Variants in RBM18 observed in about 807,000 individuals in gnomAD.
RBM18 encodes the protein probable RNA-binding protein 18.
A neutral mutation model predicts 26.4 loss-of-function variants in RBM18; 18 were observed. That is an observed-to-expected ratio of 0.68 (90% CI 0.47 to 1.01). The LOEUF (loss-of-function observed/expected upper bound fraction) is 1.01. RBM18 is among the 50% of genes least tolerant of loss of function. The pLI, the probability that RBM18 is intolerant of heterozygous loss-of-function variation, is 0.00. For missense variants in RBM18, 180 were observed against 219.2 expected, an observed-to-expected ratio of 0.82 and a Z score of 1.13; for synonymous variants, 74 against 81.1, an observed-to-expected ratio of 0.91 and a Z score of 0.47.
chr9:122,245,099 GA>G (rs1831483432), intron 5 of RBM18, among the ~76,000 whole-genome samples, 156 bp downstream of exon 5: 1 of 152,172 alleles, frequency 6.6e-6, no homozygotes, highest in Non-Finnish European at 1.5e-5. Context: ...GGAAGGAGAG[GA>G]AATGTATACA....
At chr9:122,247,629 A>G in intron 3 of RBM18, 25 bp from the exon 4 acceptor site, 1 of 1,586,544 alleles carries the variant, frequency 6.3e-7, no homozygotes, top group Non-Finnish European at 8.7e-7. Context: ...GACAAATGTT[A>G]GTTAAAAACT....
At chr9:122,254,791 C>G (rs564318722) in intron 2 of RBM18, among the ~76,000 whole-genome samples, 1 of 152,256 alleles carries the variant, frequency 6.6e-6, no homozygotes, top group South Asian at 2.1e-4. Flanking sequence ...CTAGTTAAGA[C>G]AGAGAGAGAT....
At chr9:122,257,608 C>T (rs1831719254) in intron 2 of RBM18, among the ~76,000 whole-genome samples, 1 of 152,098 alleles carries the variant, frequency 6.6e-6, no homozygotes, top group African/African-American at 2.4e-5. Context: ...GGCACACACA[C>T]ATAGAATGAC....
At chr9:122,261,620 C>A in intron 1 of RBM18, 112 bp from the exon 2 acceptor site, 2 of 686,204 alleles carry the variant, frequency 2.9e-6, no homozygotes, top group Non-Finnish European at 5.0e-6. Flanking sequence ...TCTGGGCAGT[C>A]CTTCAAAGGC....
At chr9:122,249,099 G>A (rs1660732227) in intron 3 of RBM18, among the ~76,000 whole-genome samples, 1 of 114,892 alleles carries the variant, frequency 8.7e-6, no homozygotes, top group African/African-American at 3.2e-5. Flanking sequence ...TGCCAGCAGG[G>A]GCATCTTATT....
At chr9:122,254,069 C>A (rs10121876) in intron 2 of RBM18, among the ~76,000 whole-genome samples, 73,483 of 150,314 alleles carry the variant, frequency 0.49, 18,728 homozygotes, top group East Asian at 0.82. Flanking sequence ...CACACACACA[C>A]AAAAAAAACA....
chr9:122,257,797 C>G (rs16911573), intron 2 of RBM18, among the ~76,000 whole-genome samples: 6,618 of 152,122 alleles, frequency 0.044, 486 homozygotes, highest in African/African-American at 0.15. Context: ...ATCAGGTGGA[C>G]AGTAGGGACA....
At chr9:122,242,166 T>C in intron 5 of RBM18, 123 bp from the exon 6 acceptor site, 1 of 886,442 alleles carries the variant, frequency 1.1e-6, no homozygotes, top group Non-Finnish European at 1.7e-6. Context: ...ATTACAGACA[T>C]TTAAACATTT....
chr9:122,242,166 T>G (rs970359288), intron 5 of RBM18, 123 bp from the exon 6 acceptor site: 2 of 886,324 alleles, frequency 2.3e-6, no homozygotes, highest in African/African-American at 3.4e-5. Context: ...ATTACAGACA[T>G]TTAAACATTT....
intron 2 of RBM18, 147 bp downstream of exon 2, chr9:122,261,233 C>G: frequency 1.6e-6 from 1 of 624,238 alleles, no homozygotes; most frequent in Admixed American, 2.9e-5. Context: ...GACAAGATAA[C>G]AGGCTAACAA....
chr9:122,255,984 T>A (rs1198630372), intron 2 of RBM18, among the ~76,000 whole-genome samples: 1 of 151,814 alleles, frequency 6.6e-6, no homozygotes, highest in Non-Finnish European at 1.5e-5. Context: ...TGAGCTGAGA[T>A]TGAGCCACTG....
intron 1 of RBM18, among the ~76,000 whole-genome samples, chr9:122,263,878 A>G (rs999138392): frequency 2.0e-5 from 3 of 152,220 alleles, no homozygotes; most frequent in African/African-American, 7.2e-5. Flanking sequence ...GCACCTAGTA[A>G]CTGCACCTTT....
chr9:122,252,475 A>G (rs554019558), intron 2 of RBM18, among the ~76,000 whole-genome samples: 1 of 152,354 alleles, frequency 6.6e-6, no homozygotes, highest in Admixed American at 6.5e-5. Flanking sequence ...AGATCTTCCT[A>G]TTAGATTTTG....
chr9:122,243,975 G>T, intron 5 of RBM18: 1 of 488,086 alleles, frequency 2.0e-6, no homozygotes, highest in Non-Finnish European at 2.7e-6. Flanking sequence ...AGACCACCAA[G>T]CATAAATGCA....
In RBM18 at chr9:122,238,534, C is replaced by T. The variant is rs1270360659; in HGVS notation, c.*3350G>A. On this transcript the variant is annotated 3_prime_UTR_variant, in exon 6 of 6. Coordinates refer to ENST00000417201, the MANE Select transcript of RBM18 (RefSeq NM_033117.4). ...AGAGCGTTCTAAGCTAAGGCAACAGCCAATGTAAATGCCTTGAAGTAGAAG... is the reference window on the plus strand; with the variant it reads ...AGAGCGTTCTAAGCTAAGGCAACAGTCAATGTAAATGCCTTGAAGTAGAAG... The T allele has an allele frequency of 3.3e-5, 5 of 152,142 alleles. No homozygotes were observed. The highest frequency in any genetic ancestry group is 2.0e-4 in the Admixed American group (3 of 15,270). 9.4% of individuals were successfully genotyped at this position (152,142 alleles called of 1,614,324 possible). A position where few individuals can be genotyped will look rare whatever the true frequency, so the allele number is the denominator to read the frequency against.
In RBM18 at chr9:122,251,964, G is replaced by A. The variant is rs1228224041; in HGVS notation, c.123C>T (p.Leu41=). The change falls in exon 3 of 6, where the codon CTC becomes CTT. Residue 41 remains leucine, a synonymous_variant. Coordinates refer to ENST00000417201, the MANE Select transcript of RBM18 (RefSeq NM_033117.4). ...NLDPKITEYH[L]LKLLQKFGKV... is the part of the protein sequence containing the mutation. ...TGCCAAACTTCTGGAGGAGCTTGAG[G>A]AGGTGGTATCTGTGGAGAAAGAAGA... 1.2e-6 allele frequency: 2 copies of A among 1,614,044 alleles called. No homozygotes were observed. The highest frequency in any genetic ancestry group is 1.7e-6 in the Non-Finnish European group (2 of 1,180,004).
In RBM18 at chr9:122,240,210, C is replaced by T. The variant is rs540315805; in HGVS notation, c.*1674G>A. The T allele has an allele frequency of 8.5e-5, 13 of 152,218 alleles. No homozygotes were observed. In the South Asian group the frequency reaches 2.3e-3, roughly 27 times the overall value. The allele number at this position is 152,218 out of a possible 1,614,324, so 9.4% of individuals were successfully genotyped here. A position where few individuals can be genotyped will look rare whatever the true frequency, so the allele number is the denominator to read the frequency against. ...TCCACCATAATCCTTTGAAGACTTA[C>T]GGATAAAATGGTGAATTCTATACTC... is the stretch of plus-strand genomic sequence containing the variant. On this transcript the variant is annotated 3_prime_UTR_variant, in exon 6 of 6. Transcript: ENST00000417201.
intron 3 of RBM18, among the ~76,000 whole-genome samples, chr9:122,248,558 T>C (rs1264461119): frequency 2.0e-5 from 3 of 152,170 alleles, no homozygotes; most frequent in Admixed American, 2.0e-4. Context: ...TGTGAGTCAA[T>C]CTATGCACCT....
intron 4 of RBM18, 32 bp from the exon 5 acceptor site, chr9:122,245,373 A>T: frequency 7.1e-7 from 1 of 1,403,866 alleles, no homozygotes; most frequent in Non-Finnish European, 1.0e-6. Flanking sequence ...ATTACTTCAC[A>T]TGGGCAGAAA....
Sources: gnomAD v4.1 joint callset for allele counts (sites outside exome capture counted in the v4.1 genomes callset) on GRCh38, gnomAD v4.1.1 for gene constraint, MANE v1.5 for transcripts, NCBI Gene and HGNC (gene_info 2026-07-23, HGNC 2026-07-21) for gene names.